SLC39A11: variants seen among roughly 807,000 people sequenced by gnomAD.
SLC39A11 encodes solute carrier family 39 member 11, also known as zinc transporter ZIP11.
Under a neutral mutation model 36.1 loss-of-function variants are expected in SLC39A11, and 33 were observed. That is an observed-to-expected ratio of 0.91 (90% CI 0.69 to 1.22). The LOEUF (loss-of-function observed/expected upper bound fraction) is 1.22, where lower values mean the gene tolerates loss of function less well. Ranked by LOEUF, SLC39A11 falls within the 50% of genes most tolerant of loss-of-function variation. SLC39A11 has a pLI of 0.00. For synonymous variants in SLC39A11, 166 were observed against 170.3 expected (o/e 0.97, Z 0.20); for missense variants, 432 against 430.3 (o/e 1.00, Z -0.03).
At chr17:72,695,977 G>T (rs1229060149) in intron 7 of SLC39A11, among the ~76,000 whole-genome samples, 2 of 152,228 alleles carry the variant, frequency 1.3e-5, no homozygotes, top group Non-Finnish European at 2.9e-5. Flanking sequence ...CCAGTTTGTG[G>T]TAATTTGTTA....
chr17:72,932,251 G>C (rs545107539), intron 5 of SLC39A11, among the ~76,000 whole-genome samples: 100 of 149,128 alleles, frequency 6.7e-4, no homozygotes, highest in African/African-American at 2.4e-3. Context: ...GTTTCTTTAG[G>C]GATTTATCTT....
chr17:72,730,553 T>C (rs770260291), intron 7 of SLC39A11, among the ~76,000 whole-genome samples: 63 of 152,370 alleles, frequency 4.1e-4, no homozygotes, highest in Non-Finnish European at 7.9e-4. Context: ...TTATTTCACT[T>C]TGATTTTCCA....
intron 5 of SLC39A11, among the ~76,000 whole-genome samples, chr17:72,879,590 C>T (rs1237342234): frequency 3.3e-5 from 5 of 152,056 alleles, no homozygotes; most frequent in African/African-American, 4.8e-5. Context: ...TCTGTTTTGC[C>T]GTAGTGTTAC....
At chr17:72,871,432 G>C (rs944072894) in intron 5 of SLC39A11, among the ~76,000 whole-genome samples, 1 of 152,102 alleles carries the variant, frequency 6.6e-6, no homozygotes, top group Non-Finnish European at 1.5e-5. Flanking sequence ...CCTTAAGGAT[G>C]GGGGGCGCTG....
intron 4 of SLC39A11, among the ~76,000 whole-genome samples, chr17:72,967,465 T>C (rs1387908856): frequency 2.0e-5 from 3 of 150,264 alleles, no homozygotes; most frequent in Non-Finnish European, 4.4e-5. Context: ...CTGGGAGCCA[T>C]CCTAAAACCA....
chr17:72,886,103 C>T (rs1224838397), intron 5 of SLC39A11, among the ~76,000 whole-genome samples: 1 of 152,200 alleles, frequency 6.6e-6, no homozygotes, highest in Admixed American at 6.5e-5. Flanking sequence ...ACTGGCAACA[C>T]CTCTGCTCAG....
chr17:72,667,738 C>G (rs549348286), intron 7 of SLC39A11, among the ~76,000 whole-genome samples: 1 of 152,360 alleles, frequency 6.6e-6, no homozygotes, highest in South Asian at 2.1e-4. Context: ...GGAACACCAG[C>G]ACTGCTTACT....
rs183512860 is a variant in SLC39A11, at chr17:73,002,076, C to A, written c.306+29480G>T. Among the ~76,000 whole-genome samples the A allele has an allele frequency of 3.3e-5, 5 of 152,114 alleles. No homozygotes were observed. In the East Asian group the frequency reaches 5.8e-4, roughly 18 times the overall value. On this transcript the variant is annotated intron_variant, in intron 4 of 9. Transcript: ENST00000255559. ...GAGCTAAGCATATCTGCACAGATTG[C>A]CACAGTCATCAATTACAAAATGCAT...
chr17:73,035,048 T>C (rs2058858904), intron 3 of SLC39A11, among the ~76,000 whole-genome samples: 1 of 152,178 alleles, frequency 6.6e-6, no homozygotes, highest in South Asian at 2.1e-4. Flanking sequence ...ACACACAAAC[T>C]GGAAAACCAC....
intron 6 of SLC39A11, among the ~76,000 whole-genome samples, chr17:72,745,598 C>G (rs1365400458): frequency 6.6e-6 from 1 of 152,170 alleles, no homozygotes. Flanking sequence ...TGTGAAGCCA[C>G]TATTCTCCGC....
At chr17:73,046,653 G>C (rs766935586) in intron 3 of SLC39A11, among the ~76,000 whole-genome samples, 3 of 152,028 alleles carry the variant, frequency 2.0e-5, no homozygotes, top group Non-Finnish European at 4.4e-5. Context: ...CTCTCTCTAA[G>C]GAAGGTAATA....
intron 3 of SLC39A11, among the ~76,000 whole-genome samples, chr17:73,076,585 T>C (rs1315890184): frequency 6.6e-6 from 1 of 152,208 alleles, no homozygotes; most frequent in Non-Finnish European, 1.5e-5. Flanking sequence ...TCAACTATCT[T>C]ATAGCCAGTT....
At chr17:72,779,926 C>A (rs1036295505) in intron 6 of SLC39A11, among the ~76,000 whole-genome samples, 1 of 152,152 alleles carries the variant, frequency 6.6e-6, no homozygotes, top group Non-Finnish European at 1.5e-5. Context: ...TGAGGAACCC[C>A]TATCTGTAAT....
intron 7 of SLC39A11, among the ~76,000 whole-genome samples, chr17:72,691,182 G>C (rs2072010665): frequency 6.6e-6 from 1 of 152,176 alleles, no homozygotes; most frequent in Admixed American, 6.5e-5. Flanking sequence ...AACCCCGAGG[G>C]TGATTCAGAA....
intron 5 of SLC39A11, among the ~76,000 whole-genome samples, chr17:72,887,396 G>A (rs973941913): frequency 7.2e-5 from 11 of 152,168 alleles, no homozygotes; most frequent in Admixed American, 5.2e-4. Context: ...GGAAACAGCC[G>A]CAAAGATGAG....
chr17:73,032,571 G>A (rs2058772983), intron 3 of SLC39A11, among the ~76,000 whole-genome samples: 1 of 152,152 alleles, frequency 6.6e-6, no homozygotes, highest in Non-Finnish European at 1.5e-5. Flanking sequence ...GAGTTCCACT[G>A]TATTGTAACA....
chr17:72,754,486 G>A (rs990792140), intron 6 of SLC39A11, among the ~76,000 whole-genome samples: 1 of 152,122 alleles, frequency 6.6e-6, no homozygotes, highest in African/African-American at 2.4e-5. Context: ...AAAGATTATA[G>A]CTTCAACTTA....
chr17:72,685,781 G>A (rs1206934085), intron 7 of SLC39A11, among the ~76,000 whole-genome samples: 1 of 152,172 alleles, frequency 6.6e-6, no homozygotes, highest in African/African-American at 2.4e-5. Flanking sequence ...GTTCATGCCT[G>A]TAATCCCAGC....
At chr17:72,968,774 C>T (rs528080693) in intron 4 of SLC39A11, among the ~76,000 whole-genome samples, 5 of 152,338 alleles carry the variant, frequency 3.3e-5, no homozygotes, top group South Asian at 4.1e-4. Flanking sequence ...CGATCCTTCT[C>T]GGCCAAGGAA....
Sources: gnomAD v4.1 joint callset for allele counts (sites outside exome capture counted in the v4.1 genomes callset) on GRCh38, gnomAD v4.1.1 for gene constraint, MANE v1.5 for transcripts, NCBI Gene and HGNC (gene_info 2026-07-23, HGNC 2026-07-21) for gene names.